Variants in PPP2R2A observed in about 807,000 individuals in gnomAD.
The protein encoded by PPP2R2A is serine/threonine-protein phosphatase 2A 55 kDa regulatory subunit B alpha isoform.
A neutral mutation model predicts 53.2 loss-of-function variants in PPP2R2A; 9 were observed. That is an observed-to-expected ratio of 0.17 (90% CI 0.10 to 0.30). The LOEUF (loss-of-function observed/expected upper bound fraction) is 0.30, where lower values mean the gene tolerates loss of function less well. Ranked by LOEUF, PPP2R2A falls within the 10% of genes least tolerant of loss-of-function variation. PPP2R2A has a pLI of 1.00. For synonymous variants in PPP2R2A, 169 were observed against 174.2 expected, an observed-to-expected ratio of 0.97 and a Z score of 0.23; for missense variants, 235 against 534.6, an observed-to-expected ratio of 0.44 and a Z score of 5.53.
At chr8:26,335,985 C>A (rs1803638753) in intron 2 of PPP2R2A, among the ~76,000 whole-genome samples, 1 of 152,176 alleles carries the variant, frequency 6.6e-6, no homozygotes, top group Admixed American at 6.5e-5. Flanking sequence ...TTTTTCTTCT[C>A]CCCACACACC....
chr8:26,335,928 G>A (rs762674797), intron 2 of PPP2R2A, among the ~76,000 whole-genome samples: 1 of 152,170 alleles, frequency 6.6e-6, no homozygotes, highest in African/African-American at 2.4e-5. Context: ...GAAGTGATAC[G>A]TTATTGGAGC....
At chr8:26,357,397 T>C (rs1804845811) in intron 4 of PPP2R2A, among the ~76,000 whole-genome samples, 1 of 151,372 alleles carries the variant, frequency 6.6e-6, no homozygotes, top group South Asian at 2.1e-4. Flanking sequence ...TATAAAAATA[T>C]TTGCATTGGC....
chr8:26,339,185 T>C (rs1803814039), intron 3 of PPP2R2A, among the ~76,000 whole-genome samples, 198 bp downstream of exon 3: 1 of 152,216 alleles, frequency 6.6e-6, no homozygotes, highest in South Asian at 2.1e-4. Flanking sequence ...GTATGTTGTT[T>C]TGGTTTAAAA....
At chr8:26,316,328 C>T (rs1240751159) in intron 2 of PPP2R2A, among the ~76,000 whole-genome samples, 1 of 152,012 alleles carries the variant, frequency 6.6e-6, no homozygotes, top group Non-Finnish European at 1.5e-5. Context: ...TTTTAATGGC[C>T]TTTTCTTTCT....
At position 26,321,962 on chromosome 8, in the gene PPP2R2A, A is replaced by G. The variant is rs919589460; in HGVS notation, c.83-16928A>G. 2.0e-5 allele frequency among the ~76,000 whole-genome samples: 3 copies of G among 152,222 alleles called. No homozygotes were observed. Among genetic ancestry groups the G allele is most frequent in the Non-Finnish European group, 4.4e-5 (3 of 68,046 alleles). On this transcript the variant is annotated intron_variant, in intron 2 of 9. Transcript: ENST00000380737. This position sits in a 1 kb window ranked among gnomAD's most constrained non-coding sequence, Gnocchi z 4.1. Reference sequence around the variant, plus strand: ...CTGGTTGAACCCAACACAGTACCCAATATTACATAAACACAGGCCCTTTTC... The same window carrying G: ...CTGGTTGAACCCAACACAGTACCCAGTATTACATAAACACAGGCCCTTTTC...
In PPP2R2A at chr8:26,291,554, C is replaced by T. The variant is rs1032052500; in HGVS notation, c.-266C>T. The T allele has an allele frequency of 4.3e-5, 23 of 534,798 alleles. No individual in the cohort carries two copies. The Admixed American group carries it at 7.3e-4, about 17-fold the overall frequency. 33.1% of individuals were successfully genotyped at this position (534,798 alleles called of 1,614,324 possible). On this transcript the variant is annotated 5_prime_UTR_variant, in exon 1 of 10. Coordinates refer to ENST00000380737, the MANE Select transcript of PPP2R2A (RefSeq NM_002717.4). ...AAAGTGGAGTCGCCTGCCCCTGCCG[C>T]TGCCGCCGCCGCCGTCGCTGTCGTA...
chr8:26,311,693 G>A (rs531139232), intron 2 of PPP2R2A, among the ~76,000 whole-genome samples: 16 of 152,222 alleles, frequency 1.1e-4, no homozygotes, highest in African/African-American at 3.4e-4. Flanking sequence ...AACAATGAAC[G>A]AAAAATAATG....
chr8:26,330,769 T>C (rs1046606127), intron 2 of PPP2R2A, among the ~76,000 whole-genome samples: 1 of 152,208 alleles, frequency 6.6e-6, no homozygotes, highest in African/African-American at 2.4e-5. Context: ...CCTGCCTGTT[T>C]ATATTCCTGG....
chr8:26,332,376 A>AAG (rs1803430159), intron 2 of PPP2R2A, among the ~76,000 whole-genome samples: 1 of 151,986 alleles, frequency 6.6e-6, no homozygotes, highest in Non-Finnish European at 1.5e-5. Flanking sequence ...AAAAAAAAAA[A>AAG]AAAAGAAGAA....
At chr8:26,347,876 G>C (rs981604062) in intron 3 of PPP2R2A, among the ~76,000 whole-genome samples, 1 of 150,782 alleles carries the variant, frequency 6.6e-6, no homozygotes, top group African/African-American at 2.5e-5. Flanking sequence ...GTTATCATTA[G>C]TTTAGAGAAA....
Position 26,360,012 on chromosome 8 carries a change from T to TTC in PPP2R2A, c.347-157_347-156insTC, listed in dbSNP as rs1466537225. ...CTTTATTTCCATGTGTGTATGTTAT[T>TTC]CAGCTGATAATAGGAAATTTTTTAG... On this transcript the variant is annotated intron_variant, in intron 4 of 9. Transcript: ENST00000380737. The surrounding 1 kb of genome is among the most constrained non-coding windows in gnomAD (Gnocchi z 4.5). 1.3e-5 allele frequency among the ~76,000 whole-genome samples: 2 copies of TTC among 151,852 alleles called. No homozygotes were observed. The highest frequency in any genetic ancestry group is 4.8e-5 in the African/African-American group (2 of 41,354).
At chr8:26,295,223 T>G (rs1801491845) in intron 2 of PPP2R2A, among the ~76,000 whole-genome samples, 1 of 152,196 alleles carries the variant, frequency 6.6e-6, no homozygotes, top group Non-Finnish European at 1.5e-5. Flanking sequence ...GGGTACTTGG[T>G]GTCTGGAACA....
chr8:26,340,781 T>G (rs189518434), intron 3 of PPP2R2A, among the ~76,000 whole-genome samples: 1 of 152,198 alleles, frequency 6.6e-6, no homozygotes, highest in African/African-American at 2.4e-5. Flanking sequence ...GTCAGAATAT[T>G]AGTATTTAGT....
In PPP2R2A at chr8:26,299,781, T is replaced by C. The variant is rs187734696; in HGVS notation, c.82+6041T>C. Among the ~76,000 whole-genome samples, 110 of 152,156 alleles carry C rather than the reference T, an allele frequency of 7.2e-4. No individual in the cohort carries two copies. The Middle Eastern group carries it at 0.014, about 19-fold the overall frequency. On this transcript the variant is annotated intron_variant, in intron 2 of 9. Coordinates refer to ENST00000380737, the MANE Select transcript of PPP2R2A (RefSeq NM_002717.4). ...TTGCCCAGGCCGTCTTCTGTGTTTC[T>C]TAGAGTAGTATGCATGTTAGATTTA... is the stretch of plus-strand genomic sequence containing the variant.
At chr8:26,304,370 C>T (rs1301080483) in intron 2 of PPP2R2A, among the ~76,000 whole-genome samples, 1 of 151,470 alleles carries the variant, frequency 6.6e-6, no homozygotes, top group South Asian at 2.1e-4. Context: ...TTATTTTATA[C>T]TTTAATCAGA....
chr8:26,366,128 C>A, intron 8 of PPP2R2A, 187 bp from the exon 9 acceptor site: 1 of 492,648 alleles, frequency 2.0e-6, no homozygotes, highest in Admixed American at 4.2e-5. Context: ...GAAAATGTAC[C>A]TCCCTGAAGG....
rs73675956 is a variant in PPP2R2A at position 26,340,636 on chromosome 8, A to G, written c.180+1649A>G. Among the ~76,000 whole-genome samples, 757 of 152,144 alleles carry G rather than the reference A, an allele frequency of 5.0e-3. 5 individuals carry two copies. The highest frequency in any genetic ancestry group is 0.017 in the African/African-American group (706 of 41,564). On this transcript the variant is annotated intron_variant, in intron 3 of 9. Coordinates refer to ENST00000380737, the MANE Select transcript of PPP2R2A (RefSeq NM_002717.4). ...GTCAATTAAAAGCTAATTTGGAACT[A>G]TTTTGCCTGAGAATGAAGTCATTTT...
intron 2 of PPP2R2A, among the ~76,000 whole-genome samples, chr8:26,310,691 T>G (rs1027137825): frequency 6.6e-6 from 1 of 150,870 alleles, no homozygotes. Flanking sequence ...TAATGGCTTA[T>G]GGTATTTATT....
chr8:26,330,307 C>CTTTTTT (rs11351968), intron 2 of PPP2R2A, among the ~76,000 whole-genome samples: 29 of 129,940 alleles, frequency 2.2e-4, no homozygotes, highest in Non-Finnish European at 2.6e-4. Context: ...ATTCTTTTTT[C>CTTTTTT]TTTTTTTTTT....
Sources: gnomAD v4.1 joint callset for allele counts (sites outside exome capture counted in the v4.1 genomes callset) on GRCh38, gnomAD v4.1.1 for gene constraint, Gnocchi (gnomAD v3.1) non-coding constraint, MANE v1.5 for transcripts, NCBI Gene and HGNC (gene_info 2026-07-23, HGNC 2026-07-21) for gene names.